The following UNC13B variants were observed in gnomAD, a reference collection of about 807,000 sequenced individuals.
UNC13B encodes unc-13 homolog B, also known as protein unc-13 homolog B.
A neutral mutation model predicts 211.0 loss-of-function variants in UNC13B; 144 were observed. That is an observed-to-expected ratio of 0.68 (90% CI 0.60 to 0.78). UNC13B has a LOEUF of 0.78. Among genes scored for constraint, UNC13B ranks in the 30% least tolerant of loss-of-function variants. The probability of loss-of-function intolerance (pLI) is 0.00; values close to 1 mark genes in which losing one functional copy is unlikely to be tolerated. For synonymous variants in UNC13B, 709 were observed against 725.8 expected, an observed-to-expected ratio of 0.98 and a Z score of 0.37; for missense variants, 1,777 against 2,002.0, an observed-to-expected ratio of 0.89 and a Z score of 2.14.
At chr9:35,232,177 CTTTTTT>C (rs547048403) in intron 3 of UNC13B, among the ~76,000 whole-genome samples, 1 of 31,536 alleles carries the variant, frequency 3.2e-5, no homozygotes. Context: ...TATATTGCTG[CTTTTTT>C]TTTTTTTTTT....
At chr9:35,366,737 A>G (rs960380474) in intron 11 of UNC13B, among the ~76,000 whole-genome samples, 7 of 152,004 alleles carry the variant, frequency 4.6e-5, no homozygotes, top group African/African-American at 1.5e-4. Context: ...CCTATCTCCT[A>G]TTCACCAAGG....
At position 35,305,249 on chromosome 9, in the gene UNC13B, G is replaced by A. The variant is rs1829867064; in HGVS notation, c.5845G>A (p.Val1949Met). 1 of 398,810 alleles carries A rather than the reference G, an allele frequency of 2.5e-6. No individual in the cohort carries two copies. The highest frequency in any genetic ancestry group is 4.4e-6 in the Non-Finnish European group (1 of 226,008). 24.7% of individuals were successfully genotyped at this position (398,810 alleles called of 1,614,324 possible). ...SGFLNLFKTQ[V>M]NKEGSPNLEK... is the part of the protein sequence containing the mutation. ...ATTTTTGAATCTTTTTAAGACTCAG[G>A]TGAATAAAGAAGGATCACCAAACTT... Residue 1949 changes from valine to methionine, a missense_variant, in exon 9 of 40, where the codon GTG becomes ATG. Transcript: ENST00000635942.
At chr9:35,240,078 T>G (rs1312857077) in intron 5 of UNC13B, among the ~76,000 whole-genome samples, 1 of 152,320 alleles carries the variant, frequency 6.6e-6, no homozygotes, top group East Asian at 1.9e-4. Flanking sequence ...TAAGTGTCCA[T>G]GAAATCTTCA....
chr9:35,295,706 C>A lies in UNC13B; in HGVS notation c.537C>A (p.Asp179Glu), dbSNP rs139127549. 7.2e-5 allele frequency: 117 copies of A among 1,613,954 alleles called. No individual in the cohort carries two copies. The highest frequency in any genetic ancestry group is 1.2e-4 in the Admixed American group (7 of 59,976). Residue 179 changes from aspartate to glutamate, a missense_variant, in exon 8 of 40, where the codon GAC becomes GAA. Physicochemically the swap from Asp to Glu is conservative, Grantham distance 45. Coordinates refer to ENST00000635942, the MANE Select transcript of UNC13B (RefSeq NM_001371189.2). ...GTGCTTATTCCATAGCTTTTGAAGACCCTGATAGTGCCGTCGATGACCGAG... is the reference window on the plus strand; with the variant it reads ...GTGCTTATTCCATAGCTTTTGAAGAACCTGATAGTGCCGTCGATGACCGAG... ...PTAAAQCSFE[D>E]PDSAVDDRDS...
At chr9:35,179,812 T>C (rs1821837610) in intron 1 of UNC13B, among the ~76,000 whole-genome samples, 1 of 151,958 alleles carries the variant, frequency 6.6e-6, no homozygotes, top group African/African-American at 2.4e-5. Flanking sequence ...GACAAAAAAA[T>C]AGAGAGAGAT....
In UNC13B at chr9:35,396,617, G is replaced by A; in HGVS notation, c.11435+15G>A. ...GAGTACCCAGCGTGAGTCATCATGT[G>A]GGCACTACAGAGGGAAGGGAGCCCT... On this transcript the variant is annotated intron_variant, in intron 27 of 39. Transcript: ENST00000635942. The A allele has an allele frequency of 6.2e-7, 1 of 1,613,644 alleles. No homozygotes were observed.
chr9:35,302,438 A>T lies in UNC13B; in HGVS notation c.3034A>T (p.Thr1012Ser), dbSNP rs144097076. The change falls in exon 9 of 40, where the codon ACT becomes TCT. Residue 1012 changes from threonine (T) to serine (S), a missense_variant. Transcript: ENST00000635942. ...SSIKSGSAPN[T>S]QDNLGKFDST... The stretch of plus-strand genomic sequence containing the variant: ...AATAAAATCTGGTTCAGCTCCAAAT[A>T]CTCAGGATAATCTAGGGAAATTTGA... 5,075 of 398,698 alleles carry T rather than the reference A, an allele frequency of 0.013. 111 individuals carry two copies. The highest frequency in any genetic ancestry group is 0.074 in the Admixed American group (1,686 of 22,720). The allele number at this position is 398,698 out of a possible 1,614,324, so 24.7% of individuals were successfully genotyped here. A position where few individuals can be genotyped will look rare whatever the true frequency, so the allele number is the denominator to read the frequency against.
chr9:35,368,694 C>T (rs1833926947), intron 12 of UNC13B, among the ~76,000 whole-genome samples: 1 of 148,668 alleles, frequency 6.7e-6, no homozygotes, highest in Admixed American at 6.7e-5. Context: ...TAAGTGTTCT[C>T]TTTTCCCTGC....
chr9:35,388,837 C>T lies in UNC13B; in HGVS notation c.11095-1009C>T, dbSNP rs112368199. ...CAGAGGAGTAACACATTGAGATTTT[C>T]TTTGTAGAAAGATCACGATAGCTGC... On this transcript the variant is annotated intron_variant, in intron 24 of 39. Coordinates refer to ENST00000635942, the MANE Select transcript of UNC13B (RefSeq NM_001371189.2). 6.1e-3 allele frequency among the ~76,000 whole-genome samples: 930 copies of T among 152,254 alleles called. 4 individuals are homozygous for T. The highest frequency in any genetic ancestry group is 0.021 in the African/African-American group (879 of 41,542).
At chr9:35,290,697 TA>T (rs971566350) in intron 7 of UNC13B, among the ~76,000 whole-genome samples, 56 of 151,882 alleles carry the variant, frequency 3.7e-4, no homozygotes, top group African/African-American at 1.2e-3. Context: ...GACAGAGATC[TA>T]ATTTTTCTTA....
chr9:35,168,219 G>GT (rs1248632106), intron 1 of UNC13B, among the ~76,000 whole-genome samples: 5 of 152,152 alleles, frequency 3.3e-5, no homozygotes, highest in African/African-American at 9.6e-5. Context: ...CACCTGACCA[G>GT]TTTTTTTATT....
At chr9:35,249,492 A>G (rs1359701077) in intron 6 of UNC13B, among the ~76,000 whole-genome samples, 1 of 152,126 alleles carries the variant, frequency 6.6e-6, no homozygotes, top group African/African-American at 2.4e-5. Context: ...AGTGGCTGGT[A>G]CCGGTTGTTC....
intron 1 of UNC13B, among the ~76,000 whole-genome samples, chr9:35,183,275 AGGCGGGGTGGCCG>A (rs1822075737): frequency 1.5e-5 from 2 of 130,168 alleles, no homozygotes; most frequent in Non-Finnish European, 1.6e-5. Context: ...CTCACCTCCC[AGGCGGGGTGGCCG>A]GGCAGAGGCG....
At chr9:35,258,776 A>G (rs1275902141) in intron 6 of UNC13B, among the ~76,000 whole-genome samples, 2 of 152,166 alleles carry the variant, frequency 1.3e-5, no homozygotes, top group South Asian at 2.1e-4. Context: ...ATCCTGCTTT[A>G]TTTAGCCTGT....
chr9:35,243,035 C>T (rs1825892682), intron 5 of UNC13B, among the ~76,000 whole-genome samples: 1 of 152,102 alleles, frequency 6.6e-6, no homozygotes, highest in African/African-American at 2.4e-5. Flanking sequence ...TAAACTGTGA[C>T]CCTGACCAGA....
intron 3 of UNC13B, among the ~76,000 whole-genome samples, chr9:35,235,772 T>C (rs1022393350): frequency 2.0e-5 from 3 of 152,188 alleles, no homozygotes; most frequent in Non-Finnish European, 2.9e-5. Context: ...TCCTAAAAGT[T>C]TCCTGTATAC....
At chr9:35,205,046 C>A (rs1385856667) in intron 1 of UNC13B, among the ~76,000 whole-genome samples, 5 of 152,118 alleles carry the variant, frequency 3.3e-5, no homozygotes, top group African/African-American at 4.8e-5. Context: ...TGGGTTAACA[C>A]CATCCCTTGG....
chr9:35,198,798 T>G (rs1221595364), intron 1 of UNC13B, among the ~76,000 whole-genome samples: 1 of 152,094 alleles, frequency 6.6e-6, no homozygotes, highest in African/African-American at 2.4e-5. Flanking sequence ...AAAGTCAGTT[T>G]TGTTATGTGT....
chr9:35,378,367 G>A lies in UNC13B; in HGVS notation c.10136G>A (p.Ser3379Asn), dbSNP rs1261617758. Residue 3379 changes from serine (S) to asparagine (N), a missense_variant, in exon 17 of 40, where the codon AGC (serine) becomes AAC (asparagine). Coordinates refer to ENST00000635942, the MANE Select transcript of UNC13B (RefSeq NM_001371189.2). ...GACCCTTACGTGACTGTGCAAGTCA[G>A]CAAAACTAAGAAGCGTACCAAGACC... ...SSDPYVTVQV[S>N]KTKKRTKTIF... 6.2e-7 allele frequency: 1 copy of A among 1,614,122 alleles called. No homozygotes were observed. The highest frequency in any genetic ancestry group is 8.5e-7 in the Non-Finnish European group (1 of 1,180,020).
Sources: gnomAD v4.1 joint callset for allele counts (sites outside exome capture counted in the v4.1 genomes callset) on GRCh38, gnomAD v4.1.1 for gene constraint, MANE v1.5 for transcripts, NCBI Gene and HGNC (gene_info 2026-07-23, HGNC 2026-07-21) for gene names.